Variants in PTPRD observed in about 807,000 individuals in gnomAD.
PTPRD encodes the protein protein tyrosine phosphatase receptor type D, also known as receptor-type tyrosine-protein phosphatase delta.
In PTPRD, 34 loss-of-function variants were observed where a neutral mutation model predicts 214.5. The ratio of observed to expected loss-of-function variants is 0.16; its 90% CI spans 0.12 to 0.21. The LOEUF is 0.21. Among genes scored for constraint, PTPRD ranks in the 10% least tolerant of loss-of-function variants. The probability of loss-of-function intolerance (pLI) is 1.00; values close to 1 mark genes in which losing one functional copy is unlikely to be tolerated. For synonymous variants in PTPRD, 1,128 were observed against 845.7 expected (o/e 1.33, Z -5.79); for missense variants, 2,545 against 2,398.7 (o/e 1.06, Z -1.27).
Position 9,755,685 on chromosome 9 carries a change from T to C in PTPRD, c.-326+11125A>G, listed in dbSNP as rs376283635. Among the ~76,000 whole-genome samples the C allele has an allele frequency of 2.9e-3, 441 of 152,178 alleles. 2 individuals are homozygous for C. Among genetic ancestry groups the C allele is most frequent in the African/African-American group, 0.01 (418 of 41,556 alleles). On this transcript the variant is annotated intron_variant, in intron 6 of 45. Coordinates refer to ENST00000381196, the MANE Select transcript of PTPRD (RefSeq NM_002839.4). Reference sequence around the variant, plus strand: ...AAGGTAGCATTTACACACGTGGAAATTTAAGCAATTGTATAAAAGAATACA... The same window carrying C: ...AAGGTAGCATTTACACACGTGGAAACTTAAGCAATTGTATAAAAGAATACA...
intron 39 of PTPRD, among the ~76,000 whole-genome samples, chr9:8,350,433 C>T (rs1385185850): frequency 3.9e-5 from 6 of 152,066 alleles, no homozygotes; most frequent in Non-Finnish European, 8.8e-5. Flanking sequence ...ATATAGTTCA[C>T]CTATCATAAT....
chr9:10,081,303 TTG>T (rs2098233031), intron 3 of PTPRD, among the ~76,000 whole-genome samples: 1 of 152,110 alleles, frequency 6.6e-6, no homozygotes, highest in Non-Finnish European at 1.5e-5. Flanking sequence ...ATTGAAGACT[TTG>T]TTTTAAAGAT....
chr9:8,648,777 C>T (rs1240292288), intron 12 of PTPRD, among the ~76,000 whole-genome samples: 3 of 152,160 alleles, frequency 2.0e-5, no homozygotes, highest in Non-Finnish European at 2.9e-5. Context: ...TGGTAACATA[C>T]TCAGGAAGCC....
At chr9:8,580,478 TG>T (rs1440567136) in intron 14 of PTPRD, among the ~76,000 whole-genome samples, 2 of 152,236 alleles carry the variant, frequency 1.3e-5, no homozygotes, top group African/African-American at 2.4e-5. Context: ...TGCTGCCGTC[TG>T]CAGACCCTGA....
chr9:9,899,276 G>C (rs1284374030), intron 5 of PTPRD, among the ~76,000 whole-genome samples: 1 of 151,586 alleles, frequency 6.6e-6, no homozygotes, highest in Non-Finnish European at 1.5e-5. Flanking sequence ...CTATGAAATG[G>C]GAAAAAAGTA....
At chr9:10,259,074 G>C (rs982633066) in intron 3 of PTPRD, among the ~76,000 whole-genome samples, 2 of 152,044 alleles carry the variant, frequency 1.3e-5, no homozygotes, top group South Asian at 4.2e-4. Flanking sequence ...CCAGGCTGGA[G>C]TGCAGTGGCG....
chr9:9,229,388 G>T (rs1209902921), intron 9 of PTPRD, among the ~76,000 whole-genome samples: 2 of 152,046 alleles, frequency 1.3e-5, no homozygotes, highest in African/African-American at 4.8e-5. Context: ...CTGTGGCCAG[G>T]AAGAACAGCA....
intron 10 of PTPRD, among the ~76,000 whole-genome samples, chr9:9,164,584 C>T (rs1046251545): frequency 6.6e-6 from 1 of 151,196 alleles, no homozygotes; most frequent in Admixed American, 6.6e-5. Context: ...TTTGTTTTTC[C>T]TATTACAGAG....
At chr9:9,840,799 A>AAAAAAAAAAAAAAAAAAAAAAAAAC (rs2058130404) in intron 5 of PTPRD, among the ~76,000 whole-genome samples, 1 of 113,308 alleles carries the variant, frequency 8.8e-6, no homozygotes, top group African/African-American at 3.5e-5. Flanking sequence ...AAAAAAAAAA[A>AAAAAAAAAAAAAAAAAAAAAAAAAC]CAGAAAGGGG....
intron 8 of PTPRD, among the ~76,000 whole-genome samples, chr9:9,463,750 C>A (rs2093884341): frequency 6.6e-6 from 1 of 151,916 alleles, no homozygotes; most frequent in Non-Finnish European, 1.5e-5. Flanking sequence ...GCCCAATTTT[C>A]TGATAGAGCT....
At chr9:9,304,926 G>A (rs191901600) in intron 9 of PTPRD, among the ~76,000 whole-genome samples, 2 of 147,378 alleles carry the variant, frequency 1.4e-5, no homozygotes, top group African/African-American at 5.0e-5. Context: ...TGGAATCGGT[G>A]GTGGGTTAGT....
intron 3 of PTPRD, among the ~76,000 whole-genome samples, chr9:10,091,466 TA>T (rs1311338556): frequency 6.6e-6 from 1 of 151,554 alleles, no homozygotes; most frequent in Non-Finnish European, 1.5e-5. Flanking sequence ...GTCAAAAATA[TA>T]AAAATATACA....
At chr9:9,774,831 G>A (rs1283381448) in intron 5 of PTPRD, among the ~76,000 whole-genome samples, 2 of 152,164 alleles carry the variant, frequency 1.3e-5, no homozygotes, top group Non-Finnish European at 2.9e-5. Flanking sequence ...GCAGTCTCCA[G>A]GAGGGTTAAT....
chr9:9,019,313 A>G (rs140092127), intron 10 of PTPRD, among the ~76,000 whole-genome samples: 5,508 of 106,382 alleles, frequency 0.052, 189 homozygotes, highest in East Asian at 0.13. Flanking sequence ...AGAAAGAAAG[A>G]AAGAAAGAAA....
chr9:9,214,279 A>G (rs2099950730), intron 9 of PTPRD, among the ~76,000 whole-genome samples: 1 of 152,346 alleles, frequency 6.6e-6, no homozygotes, highest in Non-Finnish European at 1.5e-5. Flanking sequence ...GATATGGTCC[A>G]GTGGAAAGCT....
At chr9:9,190,603 C>T (rs2099934528) in intron 9 of PTPRD, among the ~76,000 whole-genome samples, 1 of 151,950 alleles carries the variant, frequency 6.6e-6, no homozygotes, top group Non-Finnish European at 1.5e-5. Context: ...TGAATTTCAC[C>T]ATGTGATGAC....
chr9:10,483,584 A>T (rs1194223286), intron 2 of PTPRD, among the ~76,000 whole-genome samples: 1 of 152,162 alleles, frequency 6.6e-6, no homozygotes, highest in African/African-American at 2.4e-5. Flanking sequence ...AGCAAAAATC[A>T]AATAACCCCA....
chr9:8,967,860 G>A (rs12551362), intron 11 of PTPRD, among the ~76,000 whole-genome samples: 10 of 151,818 alleles, frequency 6.6e-5, no homozygotes, highest in African/African-American at 9.7e-5. Context: ...CCATTAACTC[G>A]TCATTTAGCA....
At chr9:9,118,371 C>T (rs2099814324) in intron 10 of PTPRD, among the ~76,000 whole-genome samples, 1 of 152,112 alleles carries the variant, frequency 6.6e-6, no homozygotes, top group Non-Finnish European at 1.5e-5. Flanking sequence ...ACTTAACTGA[C>T]CATTTTCTGC....
Sources: gnomAD v4.1 joint callset for allele counts (sites outside exome capture counted in the v4.1 genomes callset) on GRCh38, gnomAD v4.1.1 for gene constraint, MANE v1.5 for transcripts, NCBI Gene and HGNC (gene_info 2026-07-23, HGNC 2026-07-21) for gene names.